GPRC5D: variants seen among roughly 807,000 people sequenced by gnomAD.
GPRC5D encodes G protein-coupled receptor class C group 5 member D.
In GPRC5D, 20 loss-of-function variants were observed where a neutral mutation model predicts 29.3. The ratio of observed to expected loss-of-function variants is 0.68; its 90% CI spans 0.48 to 0.99. GPRC5D has a LOEUF of 0.99. Among genes scored for constraint, GPRC5D ranks in the 50% least tolerant of loss-of-function variants. The pLI is 0.00. For missense variants in GPRC5D, 384 were observed against 423.6 expected, an observed-to-expected ratio of 0.91 and a Z score of 0.82; for synonymous variants, 178 against 171.3, an observed-to-expected ratio of 1.04 and a Z score of -0.30.
intron 1 of GPRC5D, among the ~76,000 whole-genome samples, chr12:12,944,907 C>T (rs55747608): frequency 2.7e-5 from 3 of 112,670 alleles, no homozygotes; most frequent in South Asian, 3.2e-4. Flanking sequence ...CTTTCTTTCT[C>T]TCCCTTTCTT....
chr12:12,940,999 C>T (rs1265026051), intron 2 of GPRC5D, 150 bp from the exon 4 acceptor site: 1 of 555,334 alleles, frequency 1.8e-6, no homozygotes. Flanking sequence ...GCAAACTCTG[C>T]CTCACAGGTT....
intron 1 of GPRC5D, among the ~76,000 whole-genome samples, chr12:12,945,999 A>T (rs935409937): frequency 4.6e-5 from 7 of 152,328 alleles, no homozygotes; most frequent in Non-Finnish European, 1.0e-4. Flanking sequence ...CTCCATCCAG[A>T]TGTTTTTGTA....
intron 1 of GPRC5D, among the ~76,000 whole-genome samples, chr12:12,944,838 CTTCCTTCCTTCCTTCTTTCTTTCTTTCT>C (rs1291507222): frequency 4.1e-3 from 85 of 20,706 alleles, no homozygotes; most frequent in African/African-American, 7.9e-3. Context: ...TCCTTCCTTC[CTTCCTTCCTTCCTTCTTTCTTTCTTTCT>C]TTCTTTCTTT....
intron 1 of GPRC5D, among the ~76,000 whole-genome samples, chr12:12,948,930 A>AT (rs1441044104): frequency 6.6e-6 from 1 of 152,202 alleles, no homozygotes; most frequent in African/African-American, 2.4e-5. Context: ...ACCTTGAAGG[A>AT]TTTTAAATAG....
At chr12:12,945,889 A>G (rs1400341416) in intron 1 of GPRC5D, among the ~76,000 whole-genome samples, 6 of 152,214 alleles carry the variant, frequency 3.9e-5, no homozygotes, top group Non-Finnish European at 5.9e-5. Flanking sequence ...AGTCCAATCA[A>G]TATACAGCTT....
At chr12:12,946,669 G>A (rs992671026) in intron 1 of GPRC5D, among the ~76,000 whole-genome samples, 1 of 151,968 alleles carries the variant, frequency 6.6e-6, no homozygotes, top group African/African-American at 2.4e-5. Flanking sequence ...TGGACAGGCT[G>A]GTCTCTAACT....
intron 2 of GPRC5D, among the ~76,000 whole-genome samples, chr12:12,941,735 C>T (rs879429977): frequency 6.6e-6 from 1 of 152,086 alleles, no homozygotes; most frequent in Non-Finnish European, 1.5e-5. Context: ...TCTGTTTTTG[C>T]CTGAAAGGAT....
At chr12:12,944,198 G>T (rs1863217972) in intron 1 of GPRC5D, among the ~76,000 whole-genome samples, 1 of 151,982 alleles carries the variant, frequency 6.6e-6, no homozygotes, top group Non-Finnish European at 1.5e-5. Flanking sequence ...TGAACTCCTG[G>T]ACTCAAGTGA....
intron 1 of GPRC5D, among the ~76,000 whole-genome samples, chr12:12,946,354 TTTCTTTCTTTC>T: frequency 2.0e-5 from 3 of 149,644 alleles, no homozygotes; most frequent in African/African-American, 7.4e-5. Flanking sequence ...TCTTTCTTTC[TTTCTTTCTTTC>T]TTTTCTTTCT....
rs1169799994 is a variant in GPRC5D, at chr12:12,942,456, TG to T, written c.896-129del. 93 of 654,212 alleles carry T rather than the reference TG, an allele frequency of 1.4e-4. No homozygotes were observed. The African/African-American group carries it at 1.5e-3, about 11-fold the overall frequency. 40.5% of individuals were successfully genotyped at this position (654,212 alleles called of 1,614,324 possible). The stretch of plus-strand genomic sequence containing the variant: ...CACTCTTTAAAAGGAATTCTGAGGC[TG>T]GGCACGGTGGCTCACGCCTGTAATC... On this transcript the variant is annotated intron_variant, in intron 1 of 2. Coordinates refer to ENST00000228887, the Ensembl canonical transcript of GPRC5D.
At chr12:12,949,412 C>T (rs998722505) in intron 1 of GPRC5D, 78 bp downstream of exon 2, 54 of 1,260,698 alleles carry the variant, frequency 4.3e-5, no homozygotes, top group Non-Finnish European at 5.7e-5. Context: ...TTCCTCTTGG[C>T]TCATCCTACT....
At chr12:12,942,172 TA>T (rs1211145814) in intron 2 of GPRC5D, 88 bp downstream of exon 3, 2 of 861,928 alleles carry the variant, frequency 2.3e-6, no homozygotes, top group East Asian at 2.4e-5. Flanking sequence ...CTCAGGTCAG[TA>T]AAGCCATTAG....
At chr12:12,944,168 A>G (rs1863217555) in intron 1 of GPRC5D, among the ~76,000 whole-genome samples, 1 of 152,016 alleles carries the variant, frequency 6.6e-6, no homozygotes, top group Non-Finnish European at 1.5e-5. Context: ...CAGTGGCGCA[A>G]TCATAGCTCA....
At chr12:12,948,318 G>A (rs1172548692) in intron 1 of GPRC5D, 1 of 152,742 alleles carries the variant, frequency 6.5e-6, no homozygotes, top group African/African-American at 2.4e-5. Context: ...ACAAGCAATG[G>A]AAAACTTTTA....
At chr12:12,940,963 G>A (rs1243258499) in intron 2 of GPRC5D, 114 bp from the exon 4 acceptor site, 9 of 665,558 alleles carry the variant, frequency 1.4e-5, no homozygotes, top group Non-Finnish European at 1.9e-5. Context: ...CCAGGCTGGA[G>A]TGCAGTGGTG....
At chr12:12,946,951 G>A (rs759795210) in intron 1 of GPRC5D, 3 of 152,180 alleles carry the variant, frequency 2.0e-5, no homozygotes, top group South Asian at 4.1e-4. Flanking sequence ...ACAGAATTTC[G>A]AGAGAGAACT....
exon 1 of GPRC5D, chr12:12,949,968 C>T (rs1259442451): frequency 6.2e-7 from 1 of 1,614,022 alleles, no homozygotes; most frequent in East Asian, 2.2e-5. Context: ...TAATGATTTG[C>T]AACAGACTGC....
upstream of GPRC5D, among the ~76,000 whole-genome samples, chr12:12,951,088 C>T (rs73068736): frequency 0.26 from 39,602 of 151,794 alleles, 5,625 homozygotes; most frequent in East Asian, 0.45. Context: ...CCAGCCTGGG[C>T]GACAGAGTGA....
At chr12:12,940,646 G>A (rs569464116), downstream of GPRC5D, 2 of 597,122 alleles carry the variant, frequency 3.3e-6, no homozygotes, top group South Asian at 2.2e-5. Flanking sequence ...TGGATGGAGG[G>A]GTTAGGAAAC....
Sources: gnomAD v4.1 joint callset for allele counts (sites outside exome capture counted in the v4.1 genomes callset) on GRCh38, gnomAD v4.1.1 for gene constraint, MANE v1.5 for transcripts, NCBI Gene and HGNC (gene_info 2026-07-23, HGNC 2026-07-21) for gene names.